Variants in DZIP1L observed in about 807,000 individuals in gnomAD.
The protein encoded by DZIP1L is DAZ interacting zinc finger protein 1 like.
A neutral mutation model predicts 88.7 loss-of-function variants in DZIP1L; 90 were observed. That is an observed-to-expected ratio of 1.02 (90% CI 0.86 to 1.21). The LOEUF (loss-of-function observed/expected upper bound fraction) is 1.21. DZIP1L is among the 50% of genes most tolerant of loss of function. The pLI is 0.00. For missense variants in DZIP1L, 932 were observed against 955.8 expected, an observed-to-expected ratio of 0.98 and a Z score of 0.33; for synonymous variants, 363 against 372.1, an observed-to-expected ratio of 0.98 and a Z score of 0.28.
At chr3:138,096,926 T>A (rs1330586915) in intron 3 of DZIP1L, among the ~76,000 whole-genome samples, 2 of 152,180 alleles carry the variant, frequency 1.3e-5, no homozygotes, top group Non-Finnish European at 2.9e-5. Flanking sequence ...ATGCCTGTAA[T>A]CTCAGCACTT....
intron 3 of DZIP1L, among the ~76,000 whole-genome samples, chr3:138,095,271 T>C (rs568337199): frequency 6.6e-6 from 1 of 152,292 alleles, no homozygotes; most frequent in South Asian, 2.1e-4. Flanking sequence ...GAATTACTAT[T>C]GTACTGTCAC....
At chr3:138,109,889 C>T (rs1250197402) in intron 1 of DZIP1L, among the ~76,000 whole-genome samples, 5 of 152,172 alleles carry the variant, frequency 3.3e-5, no homozygotes, top group Non-Finnish European at 7.3e-5. Context: ...TGTTCTCACT[C>T]ATAAGTGGGA....
intron 8 of DZIP1L, among the ~76,000 whole-genome samples, chr3:138,082,831 G>C (rs1943727315): frequency 6.6e-6 from 1 of 152,198 alleles, no homozygotes; most frequent in African/African-American, 2.4e-5. Flanking sequence ...ATATAGATAA[G>C]CACAAGTCTT....
chr3:138,068,402 A>G (rs765531126), intron 12 of DZIP1L, 35 bp from the exon 13 acceptor site: 6 of 1,431,494 alleles, frequency 4.2e-6, no homozygotes, highest in Non-Finnish European at 4.6e-6. Flanking sequence ...TTTGGAGTAC[A>G]CCCATGCTGG....
intron 12 of DZIP1L, among the ~76,000 whole-genome samples, chr3:138,069,576 G>T (rs552723263): frequency 6.6e-6 from 1 of 152,246 alleles, no homozygotes; most frequent in African/African-American, 2.4e-5. Flanking sequence ...AGCCTGCTGG[G>T]GGAAAATAAC....
Position 138,102,759 on chromosome 3 carries a change from G to A in DZIP1L, c.501+712C>T, listed in dbSNP as rs1461227714. The A allele has an allele frequency of 1.3e-5, 10 of 777,630 alleles. No individual in the cohort carries two copies. In the East Asian group the frequency reaches 2.4e-4, roughly 19 times the overall value. The allele number at this position is 777,630 out of a possible 1,614,324, so 48.2% of individuals were successfully genotyped here. ...CTCCCATGCCACTGGCCCCACCATA[G>A]CCTCCGCCCAGGTCACCCCGGAAGC... is the stretch of plus-strand genomic sequence containing the variant. On this transcript the variant is annotated intron_variant, in intron 2 of 15. Transcript: ENST00000327532.
intron 12 of DZIP1L, among the ~76,000 whole-genome samples, chr3:138,070,548 T>A (rs1172264193): frequency 2.6e-5 from 4 of 152,336 alleles, no homozygotes; most frequent in Non-Finnish European, 5.9e-5. Context: ...CTTGTCCAAG[T>A]AATAATTTCC....
intron 10 of DZIP1L, 140 bp from the exon 11 acceptor site, chr3:138,077,772 T>G: frequency 2.5e-6 from 3 of 1,223,504 alleles, no homozygotes; most frequent in Non-Finnish European, 3.4e-6. Flanking sequence ...ACTTGAGCCC[T>G]TAAAGCAGCT....
chr3:138,111,733 A>T (rs1374734546), intron 1 of DZIP1L, among the ~76,000 whole-genome samples: 1 of 152,138 alleles, frequency 6.6e-6, no homozygotes, highest in African/African-American at 2.4e-5. Flanking sequence ...GGTGGCTCAC[A>T]CCTGTAATCC....
chr3:138,064,643 T>C lies in DZIP1L; in HGVS notation c.2127A>G (p.Pro709=). 6.2e-7 allele frequency: 1 copy of C among 1,614,190 alleles called. No homozygotes were observed. Among genetic ancestry groups the C allele is most frequent in the Non-Finnish European group, 8.5e-7 (1 of 1,180,036 alleles). The part of the protein sequence containing the change: ...PNAGPQRAAT[P]GRKPQLSEDE... ...TACATCCTACCTGAGGCTTCCTTCC[T>C]GGTGTGGCAGCCCTCTGTGGCCCAG... The change falls in exon 15 of 16, where the codon CCA becomes CCG. Residue 709 remains proline (P), a synonymous_variant. Coordinates refer to ENST00000327532, the MANE Select transcript of DZIP1L (RefSeq NM_173543.3).
chr3:138,071,875 C>T, intron 11 of DZIP1L, 40 bp from the exon 12 acceptor site: 2 of 1,559,656 alleles, frequency 1.3e-6, no homozygotes, highest in Non-Finnish European at 1.7e-6. Flanking sequence ...AGAGAGGCTA[C>T]CCTTCTTCTC....
intron 2 of DZIP1L, chr3:138,102,170 G>T: frequency 1.7e-5 from 24 of 1,374,652 alleles, no homozygotes; most frequent in Non-Finnish European, 2.5e-5. Flanking sequence ...AGTGACTGTT[G>T]TCCATGGACA....
intron 12 of DZIP1L, among the ~76,000 whole-genome samples, chr3:138,070,730 G>A (rs994060286): frequency 7.9e-5 from 12 of 152,162 alleles, no homozygotes; most frequent in Admixed American, 6.5e-4. Context: ...AGCTCAAATC[G>A]GTTCTTCCTG....
At chr3:138,090,678 T>C (rs1472257572) in intron 5 of DZIP1L, among the ~76,000 whole-genome samples, 3 of 152,032 alleles carry the variant, frequency 2.0e-5, no homozygotes, top group Non-Finnish European at 4.4e-5. Flanking sequence ...CATATGACAA[T>C]TTCCTTTTGA....
chr3:138,098,822 T>C (rs373284607), intron 2 of DZIP1L, among the ~76,000 whole-genome samples: 1 of 152,340 alleles, frequency 6.6e-6, no homozygotes, highest in East Asian at 1.9e-4. Context: ...TCATAACGAT[T>C]CCTTCTGTCC....
In DZIP1L at chr3:138,067,649, A is replaced by G; in HGVS notation, c.1884T>C (p.Arg628=). The change falls in exon 14 of 16, where the codon CGT becomes CGC. Residue 628 remains arginine (R), a synonymous_variant. Transcript: ENST00000327532. ...GAACTTTTGGGGGCTGTAGAGACAC[A>G]CGCTGCACACGGTCTCCCTCTGAGT... ...EEDSEGDRVQ[R]VSLQPPKVPS... is the part of the protein sequence containing the mutation. 1 of 1,609,222 alleles carries G rather than the reference A, an allele frequency of 6.2e-7. No individual in the cohort carries two copies. The highest frequency in any genetic ancestry group is 1.7e-5 in the Admixed American group (1 of 59,322).
At chr3:138,099,096 T>C (rs1944608672) in intron 2 of DZIP1L, among the ~76,000 whole-genome samples, 1 of 152,186 alleles carries the variant, frequency 6.6e-6, no homozygotes, top group African/African-American at 2.4e-5. Flanking sequence ...ATGATCAGAC[T>C]GCAGCCTGGA....
intron 12 of DZIP1L, among the ~76,000 whole-genome samples, chr3:138,071,426 T>G (rs1223556065): frequency 1.3e-5 from 2 of 152,094 alleles, no homozygotes; most frequent in East Asian, 3.9e-4. Flanking sequence ...CTTCCCCGAG[T>G]GACCCTGGAC....
chr3:138,097,684 G>A, intron 3 of DZIP1L, 79 bp downstream of exon 3: 1 of 1,340,806 alleles, frequency 7.5e-7, no homozygotes, highest in South Asian at 1.3e-5. Flanking sequence ...GGGTGCTATA[G>A]GTGGTCACCA....
Sources: allele counts gnomAD v4.1 joint callset (sites outside exome capture counted in the v4.1 genomes callset), GRCh38; gene constraint gnomAD v4.1.1; transcripts MANE v1.5; gene names NCBI Gene and HGNC (gene_info 2026-07-23, HGNC 2026-07-21).